ATP13A3: variants seen among roughly 807,000 people sequenced by gnomAD.
The protein encoded by ATP13A3 is ATPase 13A3.
Under a neutral mutation model 158.1 loss-of-function variants are expected in ATP13A3, and 59 were observed. The ratio of observed to expected loss-of-function variants is 0.37; its 90% CI spans 0.30 to 0.46. The LOEUF (loss-of-function observed/expected upper bound fraction) is 0.46. ATP13A3 is among the 20% of genes least tolerant of loss of function. ATP13A3 has a pLI of 1.00. For synonymous variants in ATP13A3, 491 were observed against 504.3 expected (o/e 0.97, Z 0.35); for missense variants, 1,166 against 1,525.2 (o/e 0.76, Z 3.92).
rs879155095 is a variant in ATP13A3, at chr3:194,441,359, C to A, written c.1662G>T (p.Val554=). 5 of 1,613,586 alleles carry A rather than the reference C, an allele frequency of 3.1e-6. No homozygotes were observed. In the South Asian group the frequency reaches 5.5e-5, roughly 18 times the overall value. ...TCHSLTKIEG[V]LSGDPLDLKM... is the part of the protein sequence containing the mutation. The stretch of plus-strand genomic sequence containing the variant: ...TCAGATCAAGTGGATCACCAGAGAG[C>A]ACTCCTTCAATTTTTGTAAGTGAAT... Residue 554 remains valine (V), a synonymous_variant, in exon 16 of 34, where the codon GTG becomes GTT. Transcript: ENST00000645319.
upstream of ATP13A3, among the ~76,000 whole-genome samples, chr3:194,489,267 A>C (rs992070358): frequency 5.3e-5 from 8 of 152,352 alleles, no homozygotes; most frequent in Admixed American, 3.9e-4. The surrounding 1 kb of genome is among the most constrained non-coding windows in gnomAD (Gnocchi z 4.1). Flanking sequence ...AACATGGTGA[A>C]ACCTCATCTC....
Position 194,428,896 on chromosome 3 carries a change from A to G in ATP13A3, c.2896T>C (p.Phe966Leu). ...LYSILSNLGD[F>L]QFLFIDLAII... is the part of the protein sequence containing the mutation. ...GCCAGATCAATGAAGAGAAACTGGA[A>G]GTCTCCTAGGTTACTTAAGATCTAC... The change falls in exon 28 of 34, where the codon TTC (phenylalanine) becomes CTC (leucine). Residue 966 changes from phenylalanine (F) to leucine (L), a missense_variant. Physicochemically the swap from Phe to Leu is conservative, Grantham distance 22. This residue lies in a region of ATP13A3 where 997 missense variants were observed against 1,341.2 expected (regional missense o/e 0.74). Coordinates refer to ENST00000645319, the MANE Select transcript of ATP13A3 (RefSeq NM_001367549.1). 1 of 1,595,492 alleles carries G rather than the reference A, an allele frequency of 6.3e-7. No individual in the cohort carries two copies.
At chr3:194,407,103 G>A (rs970852959) in intron 33 of ATP13A3, among the ~76,000 whole-genome samples, 2 of 152,162 alleles carry the variant, frequency 1.3e-5, no homozygotes, top group African/African-American at 4.8e-5. Context: ...AGGGCCCTCA[G>A]AATTTGTCTC....
chr3:194,446,561 G>GTA (rs777515368), intron 14 of ATP13A3, among the ~76,000 whole-genome samples: 2 of 152,052 alleles, frequency 1.3e-5, no homozygotes, highest in Non-Finnish European at 2.9e-5. Flanking sequence ...TTAAATGAAT[G>GTA]TATAGCTCAT....
intron 15 of ATP13A3, among the ~76,000 whole-genome samples, chr3:194,443,433 A>G (rs763939640): frequency 9.2e-5 from 14 of 152,208 alleles, no homozygotes; most frequent in Non-Finnish European, 1.6e-4. Flanking sequence ...TGGTAGAAAT[A>G]ATTTCTAATA....
chr3:194,439,045 G>A, intron 16 of ATP13A3, 73 bp from the exon 17 acceptor site: 2 of 962,344 alleles, frequency 2.1e-6, no homozygotes, highest in Non-Finnish European at 3.1e-6. Flanking sequence ...CTGAATTCAT[G>A]GTTCCATTTT....
rs73889894 is a variant in ATP13A3, at chr3:194,473,250, A to G, written c.-46-11014T>C. The stretch of plus-strand genomic sequence containing the variant: ...AAGATGCCCTGCATTCATGTGTCTC[A>G]ACAAAAAATTAATGTACGCAATAAA... On this transcript the variant is annotated intron_variant, in intron 2 of 33. Coordinates refer to ENST00000645319, the MANE Select transcript of ATP13A3 (RefSeq NM_001367549.1). Among the ~76,000 whole-genome samples the G allele has an allele frequency of 2.1e-3, 325 of 152,304 alleles. 2 individuals carry two copies. Among genetic ancestry groups the G allele is most frequent in the African/African-American group, 7.4e-3 (308 of 41,568 alleles).
At chr3:194,472,675 C>T (rs1720356356) in intron 2 of ATP13A3, among the ~76,000 whole-genome samples, 1 of 152,100 alleles carries the variant, frequency 6.6e-6, no homozygotes, top group Admixed American at 6.5e-5. Flanking sequence ...ATAAATCGTT[C>T]TACAAAAAAG....
At chr3:194,445,261 A>G (rs1718325785) in intron 14 of ATP13A3, among the ~76,000 whole-genome samples, 1 of 152,224 alleles carries the variant, frequency 6.6e-6, no homozygotes, top group Non-Finnish European at 1.5e-5. Flanking sequence ...ATAAGGGGTA[A>G]GTAAAGGCAA....
intron 15 of ATP13A3, among the ~76,000 whole-genome samples, chr3:194,444,266 A>G (rs1718242277): frequency 6.6e-6 from 1 of 152,240 alleles, no homozygotes; most frequent in Non-Finnish European, 1.5e-5. Flanking sequence ...AAAAAAGAAG[A>G]AAAAACAGAA....
At chr3:194,407,903 A>G (rs930981009) in intron 33 of ATP13A3, among the ~76,000 whole-genome samples, 1 of 152,124 alleles carries the variant, frequency 6.6e-6, no homozygotes, top group Non-Finnish European at 1.5e-5. Context: ...AACAAACGTA[A>G]TATTTCATCT....
intron 28 of ATP13A3, among the ~76,000 whole-genome samples, chr3:194,428,201 A>T (rs970368595): frequency 6.7e-6 from 1 of 149,732 alleles, no homozygotes; most frequent in Non-Finnish European, 1.5e-5. Flanking sequence ...AGCCTGGGTG[A>T]CAGAGACAGA....
intron 8 of ATP13A3, among the ~76,000 whole-genome samples, chr3:194,454,880 T>C (rs1354634845): frequency 2.6e-5 from 4 of 151,126 alleles, no homozygotes; most frequent in African/African-American, 9.7e-5. Flanking sequence ...ATCATTAAAA[T>C]ACTAGAATTT....
At chr3:194,433,969 A>T in intron 20 of ATP13A3, 73 bp from the exon 21 acceptor site, 1 of 1,395,034 alleles carries the variant, frequency 7.2e-7, no homozygotes, top group East Asian at 2.4e-5. Context: ...CAAACTTGAA[A>T]TATCTAAACA....
Position 194,433,881 on chromosome 3 carries a change from G to A in ATP13A3, c.2136C>T (p.Asn712=). Residue 712 remains asparagine (N), a synonymous_variant, in exon 21 of 34, where the codon AAC becomes AAT. Coordinates refer to ENST00000645319, the MANE Select transcript of ATP13A3 (RefSeq NM_001367549.1). ...VQNISRDAIE[N]NMDFMGLIIM... ...TAATTAATCCCATAAAATCCATGTT[G>A]TTCTCAATTGCATCTCTGCAGAAAA... is the stretch of plus-strand genomic sequence containing the variant. 6.2e-7 allele frequency: 1 copy of A among 1,613,672 alleles called. No individual in the cohort carries two copies. The highest frequency in any genetic ancestry group is 2.2e-5 in the East Asian group (1 of 44,856).
chr3:194,459,470 C>A lies in ATP13A3; in HGVS notation c.479+1G>T. 1 of 1,560,594 alleles carries A rather than the reference C, an allele frequency of 6.4e-7. No individual in the cohort carries two copies. Among genetic ancestry groups the A allele is most frequent in the South Asian group, 1.1e-5 (1 of 89,784 alleles). On this transcript the variant is annotated splice_donor_variant, in intron 6 of 33. Transcript: ENST00000645319. LOFTEE classifies it high-confidence loss of function. The stretch of plus-strand genomic sequence containing the variant: ...AATCCAAACAAAAGGAAGATACTTA[C>A]TTTAAGAAATCAAAATTGTGAATGG...
intron 2 of ATP13A3, among the ~76,000 whole-genome samples, chr3:194,474,061 T>A (rs1050736969): frequency 2.0e-5 from 3 of 152,232 alleles, no homozygotes; most frequent in African/African-American, 7.2e-5. Context: ...TCTGCATCTT[T>A]AGATTTATGA....
chr3:194,410,331 A>ACAAAAAAAC (rs1553794196), intron 33 of ATP13A3, among the ~76,000 whole-genome samples: 1 of 132,942 alleles, frequency 7.5e-6, no homozygotes, highest in Non-Finnish European at 1.6e-5. Context: ...AAAAAAAAAA[A>ACAAAAAAAC]CTGCTGGGCC....
intron 2 of ATP13A3, among the ~76,000 whole-genome samples, chr3:194,481,223 G>GAAA (rs144534539): frequency 1.5e-5 from 2 of 136,798 alleles, no homozygotes; most frequent in African/African-American, 5.2e-5. Flanking sequence ...TTCACAAATG[G>GAAA]AAAAAAAAAA....
Sources: allele counts gnomAD v4.1 joint callset (sites outside exome capture counted in the v4.1 genomes callset), GRCh38; gene constraint gnomAD v4.1.1; regional missense constraint gnomAD v4.1.1; non-coding constraint Gnocchi (gnomAD v3.1); transcripts MANE v1.5; gene names NCBI Gene and HGNC (gene_info 2026-07-23, HGNC 2026-07-21).